FARP2: variants seen among roughly 807,000 people sequenced by gnomAD.
The protein encoded by FARP2 is FERM, ARH/RhoGEF and pleckstrin domain protein 2, also known as FERM, ARHGEF and pleckstrin domain-containing protein 2.
FARP2 carries 111 observed loss-of-function variants against 130.5 expected under a neutral mutation model. The observed-to-expected ratio is 0.85, with a 90% confidence interval of 0.73 to 1.00. The LOEUF (loss-of-function observed/expected upper bound fraction) is 1.00. Ranked by LOEUF, FARP2 falls within the 50% of genes least tolerant of loss-of-function variation. FARP2 has a pLI of 0.00. For synonymous variants in FARP2, 504 were observed against 516.9 expected, an observed-to-expected ratio of 0.98 and a Z score of 0.34; for missense variants, 1,385 against 1,346.3, an observed-to-expected ratio of 1.03 and a Z score of -0.45.
At chr2:241,493,899 A>C (rs2065028962) in intron 26 of FARP2, 109 bp from the exon 27 acceptor site, 1 of 674,128 alleles carries the variant, frequency 1.5e-6, no homozygotes, top group Admixed American at 2.9e-5. Context: ...ACCCGGCCCC[A>C]GGTTTTTAAC....
chr2:241,441,276 T>G (rs1271066160), intron 12 of FARP2, 28 bp from the exon 13 acceptor site: 2 of 1,540,630 alleles, frequency 1.3e-6, no homozygotes, highest in African/African-American at 2.8e-5. Flanking sequence ...TTATATCCTT[T>G]TTTTCTTTTC....
intron 2 of FARP2, among the ~76,000 whole-genome samples, chr2:241,401,424 A>G (rs1407468721): frequency 1.3e-5 from 2 of 152,200 alleles, no homozygotes; most frequent in East Asian, 3.8e-4. Context: ...AGCTTTCCAA[A>G]CTTATTTTTA....
intron 1 of FARP2, among the ~76,000 whole-genome samples, chr2:241,370,524 A>G (rs1444176017): frequency 6.6e-6 from 1 of 152,228 alleles, no homozygotes; most frequent in African/African-American, 2.4e-5. Context: ...GTACATGATA[A>G]GTATATACAA....
chr2:241,386,248 A>T (rs1255652388), intron 2 of FARP2, among the ~76,000 whole-genome samples: 4 of 152,006 alleles, frequency 2.6e-5, no homozygotes, highest in African/African-American at 9.7e-5. Flanking sequence ...CCAATTAAAA[A>T]ATATATATTT....
chr2:241,475,937 G>C lies in FARP2; in HGVS notation c.2212G>C (p.Glu738Gln). 1.2e-6 allele frequency: 2 copies of C among 1,613,954 alleles called. No individual in the cohort carries two copies. The highest frequency in any genetic ancestry group is 1.7e-6 in the Non-Finnish European group (2 of 1,179,832). Residue 738 changes from glutamate to glutamine, a missense_variant, in exon 19 of 27, where the codon GAG becomes CAG. Transcript: ENST00000264042. The surrounding 1 kb of genome is among the most constrained non-coding windows in gnomAD (Gnocchi z 4.4). The stretch of plus-strand genomic sequence containing the variant: ...GCTGGAGAACCTGCAGAAGCTAACG[G>C]AGCTGCAGCGGGACCTGGTGGGCAT... ...IRLENLQKLT[E>Q]LQRDLVGIEN...
intron 13 of FARP2, chr2:241,441,959 G>C (rs559051811): frequency 2.8e-6 from 1 of 363,258 alleles, no homozygotes. Flanking sequence ...GGGTCTGCTC[G>C]GTCCAGCCCA....
chr2:241,404,825 C>T lies in FARP2; in HGVS notation c.315C>T (p.Ile105=). 1 of 1,609,738 alleles carries T rather than the reference C, an allele frequency of 6.2e-7. No homozygotes were observed. Among genetic ancestry groups the T allele is most frequent in the Non-Finnish European group, 8.5e-7 (1 of 1,176,290 alleles). The change falls in exon 4 of 27, where the codon ATC becomes ATT. Residue 105 remains isoleucine, a synonymous_variant. Transcript: ENST00000264042. ...TTTGGCTTGAACCTATGAAACCCAT[C>T]ATTAGGCAAATACGAAGTAAGTCCT... ...YWIWLEPMKP[I]IRQIRRPKNV...
chr2:241,431,442 C>G (rs776476636), intron 8 of FARP2, among the ~76,000 whole-genome samples: 1 of 151,482 alleles, frequency 6.6e-6, no homozygotes, highest in Non-Finnish European at 1.5e-5. Context: ...TACCACTGCA[C>G]TCTAGCCTGG....
chr2:241,466,729 C>T, intron 17 of FARP2: 1 of 417,178 alleles, frequency 2.4e-6, no homozygotes, highest in South Asian at 1.1e-4. Context: ...CTCCTAGGGG[C>T]TTCCAGAGCT....
At chr2:241,393,929 T>C (rs548010552) in intron 2 of FARP2, among the ~76,000 whole-genome samples, 1 of 152,348 alleles carries the variant, frequency 6.6e-6, no homozygotes, top group Non-Finnish European at 1.5e-5. Context: ...ACTATGTTCT[T>C]AATACTGTTT....
intron 14 of FARP2, among the ~76,000 whole-genome samples, chr2:241,458,429 C>T (rs935373664): frequency 6.6e-6 from 1 of 152,172 alleles, no homozygotes; most frequent in African/African-American, 2.4e-5. Context: ...CTGGGACTCT[C>T]AGCAGGTAGG....
At chr2:241,402,839 TATATATATATATATATATA>T (rs1229977122) in intron 2 of FARP2, among the ~76,000 whole-genome samples, 2,289 of 30,770 alleles carry the variant, frequency 0.074, 254 homozygotes, top group Middle Eastern at 0.19. Context: ...AGCTAATTTA[TATATATATATATATATATA>T]TATATATATA....
intron 22 of FARP2, 33 bp downstream of exon 22, chr2:241,490,077 C>A: frequency 6.6e-7 from 1 of 1,514,100 alleles, no homozygotes. Flanking sequence ...TCCTGAGCAG[C>A]CCTGGATGGA....
chr2:241,427,988 G>C (rs2062994417), intron 8 of FARP2, among the ~76,000 whole-genome samples: 1 of 151,850 alleles, frequency 6.6e-6, no homozygotes, highest in East Asian at 1.9e-4. Flanking sequence ...GGATGGTCTC[G>C]ATCTCCTGAC....
chr2:241,453,603 A>C (rs188651178), intron 13 of FARP2, among the ~76,000 whole-genome samples: 4,491 of 151,088 alleles, frequency 0.03, 89 homozygotes, highest in Non-Finnish European at 0.038. Flanking sequence ...GCCTGGGTGA[A>C]AGAGCGAGAC....
intron 11 of FARP2, among the ~76,000 whole-genome samples, chr2:241,436,256 G>C (rs932535294): frequency 6.6e-6 from 1 of 152,076 alleles, no homozygotes; most frequent in Non-Finnish European, 1.5e-5. Context: ...TCCGCACGTG[G>C]AATTTTTTCC....
At chr2:241,380,520 T>G (rs557335002) in intron 2 of FARP2, among the ~76,000 whole-genome samples, 152 of 152,214 alleles carry the variant, frequency 1.0e-3, no homozygotes, top group African/African-American at 3.5e-3. Context: ...AGTTTCAGAT[T>G]TTTTTCAGAT....
intron 13 of FARP2, chr2:241,442,248 G>C: frequency 2.2e-6 from 1 of 456,670 alleles, no homozygotes; most frequent in South Asian, 1.5e-5. Context: ...CCAGCTCCAT[G>C]GTCAACTTCC....
At chr2:241,406,655 G>A (rs1338484367) in intron 4 of FARP2, among the ~76,000 whole-genome samples, 3 of 152,020 alleles carry the variant, frequency 2.0e-5, no homozygotes, top group East Asian at 3.9e-4. Flanking sequence ...GTAGAGATGG[G>A]ATTTCACCAT....
Sources: gnomAD v4.1 joint callset for allele counts (sites outside exome capture counted in the v4.1 genomes callset) on GRCh38, gnomAD v4.1.1 for gene constraint, Gnocchi (gnomAD v3.1) non-coding constraint, MANE v1.5 for transcripts, NCBI Gene and HGNC (gene_info 2026-07-23, HGNC 2026-07-21) for gene names.